The following EPS8 variants were observed in gnomAD, a reference collection of about 807,000 sequenced individuals.
EPS8 encodes epidermal growth factor receptor kinase substrate 8.
In EPS8, 42 loss-of-function variants were observed where a neutral mutation model predicts 103.8. That is an observed-to-expected ratio of 0.40 (90% CI 0.32 to 0.52). The LOEUF (loss-of-function observed/expected upper bound fraction) is 0.52, where lower values mean the gene tolerates loss of function less well. Among genes scored for constraint, EPS8 ranks in the 20% least tolerant of loss-of-function variants. The pLI, the probability that EPS8 is intolerant of heterozygous loss-of-function variation, is 0.40. For synonymous variants in EPS8, 344 were observed against 344.6 expected (o/e 1.00, Z 0.02); for missense variants, 969 against 1,005.1 (o/e 0.96, Z 0.49).
chr12:15,728,898 A>G lies in EPS8; in HGVS notation c.-21-45926T>C, dbSNP rs1946683184. On this transcript the variant is annotated intron_variant, in intron 1 of 20. Coordinates refer to ENST00000281172, the MANE Select transcript of EPS8 (RefSeq NM_004447.6). The surrounding 1 kb of genome is among the most constrained non-coding windows in gnomAD (Gnocchi z 4.5). ...ACAGACTAGCAGAAAATATTTGTAA[A>G]TCCATCTTTTTTAAAAACATTTCTT... 6.6e-6 allele frequency among the ~76,000 whole-genome samples: 1 copy of G among 152,146 alleles called. No individual in the cohort carries two copies. Among genetic ancestry groups the G allele is most frequent in the African/African-American group, 2.4e-5 (1 of 41,406 alleles).
chr12:15,662,983 C>T (rs1380794010), intron 8 of EPS8, among the ~76,000 whole-genome samples: 1 of 131,670 alleles, frequency 7.6e-6, no homozygotes, highest in Non-Finnish European at 1.6e-5. Flanking sequence ...TTACCTGTAA[C>T]TGGAACACTT....
At chr12:15,659,126 G>A (rs575384745) in intron 10 of EPS8, among the ~76,000 whole-genome samples, 6 of 152,074 alleles carry the variant, frequency 3.9e-5, no homozygotes, top group East Asian at 1.9e-4. Context: ...GCATGTATAC[G>A]AAACAACAAA....
chr12:15,661,926 C>T, intron 9 of EPS8, 100 bp downstream of exon 9: 3 of 853,782 alleles, frequency 3.5e-6, no homozygotes, highest in Middle Eastern at 2.3e-4. Context: ...ACATGGTTTC[C>T]ATAAAATATC....
chr12:15,735,355 C>CT lies in EPS8; in HGVS notation c.-21-52384dup, dbSNP rs1946757959. On this transcript the variant is annotated intron_variant, in intron 1 of 20. Coordinates refer to ENST00000281172, the MANE Select transcript of EPS8 (RefSeq NM_004447.6). The surrounding 1 kb of genome is among the most constrained non-coding windows in gnomAD (Gnocchi z 4.4). ...TCTTCCCTATACTTTTTTGCTCCCT[C>CT]TTTTTTATCAAGATTCAAAATTATA... Among the ~76,000 whole-genome samples the CT allele has an allele frequency of 6.6e-6, 1 of 152,110 alleles. No homozygotes were observed. The highest frequency in any genetic ancestry group is 1.5e-5 in the Non-Finnish European group (1 of 68,012).
intron 14 of EPS8, 70 bp downstream of exon 14, chr12:15,650,753 A>T (rs1356752815): frequency 3.9e-6 from 5 of 1,266,008 alleles, no homozygotes; most frequent in Non-Finnish European, 5.6e-6. Flanking sequence ...GAGAACTTGC[A>T]ATCAGAATTA....
chr12:15,692,327 T>G (rs1048409894), intron 1 of EPS8, among the ~76,000 whole-genome samples: 6 of 150,150 alleles, frequency 4.0e-5, no homozygotes, highest in African/African-American at 9.8e-5. Flanking sequence ...TGGTTTTTTT[T>G]TTTTTTTTTT....
intron 1 of EPS8, among the ~76,000 whole-genome samples, chr12:15,703,847 G>GTTTTTTTTTTT (rs58735135): frequency 3.3e-5 from 2 of 61,232 alleles, no homozygotes; most frequent in African/African-American, 7.3e-5. Flanking sequence ...CTATGTATTT[G>GTTTTTTTTTTT]TTTTTTTTTT....
chr12:15,652,851 A>G (rs1945439325), intron 13 of EPS8, among the ~76,000 whole-genome samples: 1 of 152,208 alleles, frequency 6.6e-6, no homozygotes, highest in South Asian at 2.1e-4. Flanking sequence ...AAAAAAAATT[A>G]TGAATTGGCC....
intron 1 of EPS8, among the ~76,000 whole-genome samples, chr12:15,750,114 C>T (rs1946915747): frequency 6.6e-6 from 1 of 152,118 alleles, no homozygotes; most frequent in Non-Finnish European, 1.5e-5. Flanking sequence ...AACGATCTCC[C>T]ACCCTGTAGA....
intron 3 of EPS8, 128 bp from the exon 4 acceptor site, chr12:15,671,051 T>C: frequency 1.7e-6 from 1 of 574,202 alleles, no homozygotes; most frequent in Non-Finnish European, 3.1e-6. Flanking sequence ...AAGTTGCCAT[T>C]GTGTGGTGTA....
At position 15,702,555 on chromosome 12, in the gene EPS8, A is replaced by T. The variant is rs1344657833; in HGVS notation, c.-21-19583T>A. 6.6e-6 allele frequency among the ~76,000 whole-genome samples: 1 copy of T among 152,174 alleles called. No individual in the cohort carries two copies. The highest frequency in any genetic ancestry group is 1.5e-5 in the Non-Finnish European group (1 of 68,028). On this transcript the variant is annotated intron_variant, in intron 1 of 20. Transcript: ENST00000281172. This position sits in a 1 kb window ranked among gnomAD's most constrained non-coding sequence, Gnocchi z 5.1. ...TGTCTGGAAATCTTCATAGAGCAGC[A>T]GCAAACTACTGAAGAAAAAAAATGC...
Position 15,713,535 on chromosome 12 carries a change from A to G in EPS8, c.-21-30563T>C, listed in dbSNP as rs1045716415. On this transcript the variant is annotated intron_variant, in intron 1 of 20. Coordinates refer to ENST00000281172, the MANE Select transcript of EPS8 (RefSeq NM_004447.6). This position sits in a 1 kb window ranked among gnomAD's most constrained non-coding sequence, Gnocchi z 4.8. The stretch of plus-strand genomic sequence containing the variant: ...TAAGTATAGATTGAAATTGGTAACA[A>G]GATGCCTCTTGAAGGAGAAAGAACA... Among the ~76,000 whole-genome samples, 1 of 152,194 alleles carries G rather than the reference A, an allele frequency of 6.6e-6. No homozygotes were observed. The highest frequency in any genetic ancestry group is 1.5e-5 in the Non-Finnish European group (1 of 68,024).
chr12:15,652,143 G>A (rs1432950590), intron 13 of EPS8, among the ~76,000 whole-genome samples: 4 of 152,084 alleles, frequency 2.6e-5, no homozygotes, highest in Admixed American at 2.6e-4. Flanking sequence ...CCATAAAAAT[G>A]AAAGAAATCT....
At chr12:15,681,349 T>C (rs921478330) in intron 2 of EPS8, 47 bp from the exon 3 acceptor site, 3 of 840,004 alleles carry the variant, frequency 3.6e-6, no homozygotes, top group Non-Finnish European at 3.2e-6. Flanking sequence ...AAAAAGGTCA[T>C]TGTGTTGGGT....
chr12:15,637,611 T>G (rs554430653), intron 17 of EPS8, among the ~76,000 whole-genome samples: 10 of 152,330 alleles, frequency 6.6e-5, no homozygotes, highest in African/African-American at 2.2e-4. Context: ...TGAATGTTGT[T>G]TTCTGTGAAT....
At chr12:15,768,954 A>G (rs1021322490) in intron 1 of EPS8, among the ~76,000 whole-genome samples, 18 of 152,230 alleles carry the variant, frequency 1.2e-4, no homozygotes, top group African/African-American at 4.3e-4. Flanking sequence ...AGATGAAATT[A>G]TAATCACCTG....
chr12:15,650,949 G>A lies in EPS8; in HGVS notation c.1308C>T (p.Gly436=), dbSNP rs372116986. The change falls in exon 14 of 21, where the codon GGC becomes GGT. Residue 436 remains glycine, a synonymous_variant. Transcript: ENST00000281172. ...TAAAGTTCAGCATTGGGGGCTCCCAGCCATTGCGGAATCGTGGAACATATG... is the reference window on the plus strand; with the variant it reads ...TAAAGTTCAGCATTGGGGGCTCCCAACCATTGCGGAATCGTGGAACATATG... ...IPPYVPRFRN[G]WEPPMLNFMG... is the part of the protein sequence containing the mutation. 6.2e-7 allele frequency: 1 copy of A among 1,613,964 alleles called. No individual in the cohort carries two copies. The highest frequency in any genetic ancestry group is 1.3e-5 in the African/African-American group (1 of 74,904).
rs1296964665 is a variant in EPS8, at chr12:15,723,078, C to T, written c.-21-40106G>A. ...GTGGCTCATGTCTATAATCCCAGAACTGTGGGAGGCTGAGGGGGATGCATC... is the reference window on the plus strand; with the variant it reads ...GTGGCTCATGTCTATAATCCCAGAATTGTGGGAGGCTGAGGGGGATGCATC... On this transcript the variant is annotated intron_variant, in intron 1 of 20. Coordinates refer to ENST00000281172, the MANE Select transcript of EPS8 (RefSeq NM_004447.6). 2.0e-5 allele frequency among the ~76,000 whole-genome samples: 3 copies of T among 150,354 alleles called. No individual in the cohort carries two copies. The South Asian group carries it at 6.3e-4, about 32-fold the overall frequency.
intron 15 of EPS8, among the ~76,000 whole-genome samples, chr12:15,643,053 T>C (rs966796381): frequency 1.3e-5 from 2 of 152,352 alleles, no homozygotes; most frequent in African/African-American, 2.4e-5. Flanking sequence ...CTGTGTTCCA[T>C]GGATTTCCCA....
Sources: gnomAD v4.1 joint callset for allele counts (sites outside exome capture counted in the v4.1 genomes callset) on GRCh38, gnomAD v4.1.1 for gene constraint, Gnocchi (gnomAD v3.1) non-coding constraint, MANE v1.5 for transcripts, NCBI Gene and HGNC (gene_info 2026-07-23, HGNC 2026-07-21) for gene names.